Variants in ANTXR1 observed in about 807,000 individuals in gnomAD.
The protein encoded by ANTXR1 is anthrax toxin receptor 1.
Under a neutral mutation model 78.1 loss-of-function variants are expected in ANTXR1, and 19 were observed. The ratio of observed to expected loss-of-function variants is 0.24; its 90% confidence interval spans 0.17 to 0.36. ANTXR1 has a LOEUF of 0.36. Ranked by LOEUF, ANTXR1 falls within the 10% of genes least tolerant of loss-of-function variation. ANTXR1 has a pLI of 1.00. For synonymous variants in ANTXR1, 273 were observed against 260.5 expected (o/e 1.05, Z -0.46); for missense variants, 518 against 718.6 (o/e 0.72, Z 3.19).
intron 1 of ANTXR1, among the ~76,000 whole-genome samples, chr2:69,023,522 TG>T (rs1230949173): frequency 1.2e-5 from 1 of 81,222 alleles, no homozygotes; most frequent in Non-Finnish European, 2.0e-5. Context: ...GTGGAGATGA[TG>T]ATGATGATGA....
chr2:69,219,384 GACACACACACAC>G (rs377200577), intron 17 of ANTXR1, among the ~76,000 whole-genome samples: 6 of 132,224 alleles, frequency 4.5e-5, no homozygotes, highest in East Asian at 2.9e-4. Context: ...CCAGAAGGAG[GACACACACACAC>G]ACACACACAC....
At position 69,169,963 on chromosome 2, in the gene ANTXR1, A is replaced by T. The variant is rs181292583; in HGVS notation, c.1048-285A>T. On this transcript the variant is annotated intron_variant, in intron 13 of 17. Transcript: ENST00000303714. ...GAGTGAATAAATTTGCATGATAGTT[A>T]TCTGGGGTAGGAAATGAAACTGTGA... Among the ~76,000 whole-genome samples the T allele has an allele frequency of 2.0e-5, 3 of 152,376 alleles. No homozygotes were observed. In the East Asian group the frequency reaches 5.8e-4, roughly 29 times the overall value.
chr2:69,102,337 A>G (rs969151114), intron 9 of ANTXR1, among the ~76,000 whole-genome samples: 3 of 152,256 alleles, frequency 2.0e-5, no homozygotes, highest in African/African-American at 4.8e-5. Context: ...ATTGTTCAGG[A>G]CTAGCTGTGA....
chr2:69,133,238 G>A (rs1211140143), intron 12 of ANTXR1, among the ~76,000 whole-genome samples: 2 of 152,138 alleles, frequency 1.3e-5, no homozygotes, highest in Non-Finnish European at 2.9e-5. Context: ...TCCCCAAACT[G>A]TTTCTCAATA....
intron 1 of ANTXR1, among the ~76,000 whole-genome samples, chr2:69,024,942 A>C (rs1671298728): frequency 6.6e-6 from 1 of 152,134 alleles, no homozygotes. Context: ...ACATTTCCGA[A>C]GCTCTTTCAG....
rs200234350 is a variant in ANTXR1, at chr2:69,245,426, G to C, written c.1636G>C (p.Ala546Pro). The change falls in exon 18 of 18, where the codon GCT (alanine) becomes CCT (proline). Residue 546 changes from alanine (A) to proline (P), a missense_variant. Ala to Pro is a conservative substitution (Grantham distance 27). Coordinates refer to ENST00000303714, the MANE Select transcript of ANTXR1 (RefSeq NM_032208.3). The stretch of plus-strand genomic sequence containing the variant: ...TTCCACCCTTCCCCCTCCTCCCCAG[G>C]CTCCACCTCCCAACAGGGCACCTCC... ...PPSTLPPPPQ[A>P]PPPNRAPPPS... 22 of 1,508,866 alleles carry C rather than the reference G, an allele frequency of 1.5e-5. No individual in the cohort carries two copies. The Admixed American group carries it at 3.9e-4, about 26-fold the overall frequency. The allele number at this position is 1,508,866 out of a possible 1,614,324, so 93.5% of individuals were successfully genotyped here.
chr2:69,246,587 A>G lies in ANTXR1; in HGVS notation c.*1102A>G, dbSNP rs1332530355. On this transcript the variant is annotated 3_prime_UTR_variant, in exon 18 of 18. Coordinates refer to ENST00000303714, the MANE Select transcript of ANTXR1 (RefSeq NM_032208.3). ...GATCTTTGATTAACCCCCATAAGGC[A>G]TGTGTGTGTATACAAATATACTTCT... The G allele has an allele frequency of 6.6e-6, 1 of 152,136 alleles. No individual in the cohort carries two copies. 9.4% of individuals were successfully genotyped at this position (152,136 alleles called of 1,614,324 possible).
rs774921652 is a variant in ANTXR1 at position 69,102,984 on chromosome 2, C to A, written c.802+44C>A. 1.6e-5 allele frequency: 25 copies of A among 1,574,834 alleles called. No homozygotes were observed. The South Asian group carries it at 2.8e-4, about 17-fold the overall frequency. The stretch of plus-strand genomic sequence containing the variant: ...CATGGGTTTCTTCGACAAGTGGCTT[C>A]AAGGAAGGGAATTCCCACCCTTGTC... On this transcript the variant is annotated intron_variant, in intron 10 of 17. Transcript: ENST00000303714.
chr2:69,027,176 C>T (rs1039181998), intron 1 of ANTXR1, among the ~76,000 whole-genome samples: 1 of 152,186 alleles, frequency 6.6e-6, no homozygotes, highest in African/African-American at 2.4e-5. Flanking sequence ...GCAGTGGCAG[C>T]TGCTCTGTGG....
chr2:69,028,145 T>G (rs1671407255), intron 1 of ANTXR1, among the ~76,000 whole-genome samples: 1 of 152,190 alleles, frequency 6.6e-6, no homozygotes, highest in Non-Finnish European at 1.5e-5. Context: ...AACTTTTCAT[T>G]GCTAAAGTAT....
chr2:69,222,465 C>T (rs1675342735), intron 17 of ANTXR1, among the ~76,000 whole-genome samples: 1 of 152,176 alleles, frequency 6.6e-6, no homozygotes, highest in Admixed American at 6.5e-5. Context: ...CCATCTGCCC[C>T]CACAGCAAAG....
At chr2:69,056,662 T>C (rs1004056993) in intron 3 of ANTXR1, among the ~76,000 whole-genome samples, 4 of 152,148 alleles carry the variant, frequency 2.6e-5, no homozygotes, top group Non-Finnish European at 4.4e-5. Context: ...TATATATTCA[T>C]ATTAAACTTT....
At chr2:69,238,935 A>G (rs1675836119) in intron 17 of ANTXR1, among the ~76,000 whole-genome samples, 1 of 152,090 alleles carries the variant, frequency 6.6e-6, no homozygotes, top group African/African-American at 2.4e-5. Flanking sequence ...CTGATGCCCA[A>G]ACAGATGTCT....
chr2:69,158,340 A>G (rs1160393833), intron 13 of ANTXR1, among the ~76,000 whole-genome samples: 2 of 152,130 alleles, frequency 1.3e-5, no homozygotes, highest in African/African-American at 2.4e-5. Flanking sequence ...TATGTTCTCT[A>G]TACAATTCTT....
At chr2:69,232,044 G>A (rs1675611519) in intron 17 of ANTXR1, among the ~76,000 whole-genome samples, 1 of 152,142 alleles carries the variant, frequency 6.6e-6, no homozygotes, top group Non-Finnish European at 1.5e-5. Context: ...TCTGCCCAGA[G>A]AGCCCTGAAA....
chr2:69,233,170 GA>G (rs1373745618), intron 17 of ANTXR1, among the ~76,000 whole-genome samples: 1 of 152,076 alleles, frequency 6.6e-6, no homozygotes. Flanking sequence ...ATTTTTGAGA[GA>G]ATTATCTCAT....
chr2:69,128,253 CT>C (rs1363826490), intron 12 of ANTXR1, among the ~76,000 whole-genome samples: 1 of 151,862 alleles, frequency 6.6e-6, no homozygotes, highest in Non-Finnish European at 1.5e-5. Flanking sequence ...TTGTTTAGCC[CT>C]TTTGTGCTTT....
At chr2:69,139,074 G>T (rs928581791) in intron 12 of ANTXR1, among the ~76,000 whole-genome samples, 1 of 152,194 alleles carries the variant, frequency 6.6e-6, no homozygotes, top group African/African-American at 2.4e-5. Context: ...TGAATGTACT[G>T]ATCCCTAACA....
Position 69,245,625 on chromosome 2 carries a change from C to T in ANTXR1, c.*140C>T. The T allele has an allele frequency of 8.6e-7, 1 of 1,166,274 alleles. No homozygotes were observed. 72.2% of individuals were successfully genotyped at this position (1,166,274 alleles called of 1,614,324 possible). ...AAATTGGTTGGCAATGCCAGTATAC[C>T]AACAATCATGATCAGCTGAAAGAAA... On this transcript the variant is annotated 3_prime_UTR_variant, in exon 18 of 18. Transcript: ENST00000303714.
Sources: allele counts gnomAD v4.1 joint callset (sites outside exome capture counted in the v4.1 genomes callset), GRCh38; gene constraint gnomAD v4.1.1; transcripts MANE v1.5; gene names NCBI Gene and HGNC (gene_info 2026-07-23, HGNC 2026-07-21).